Variants in APC2 observed in about 807,000 individuals in gnomAD.
APC2 encodes APC regulator of Wnt signaling pathway 2.
Under a neutral mutation model 72.5 loss-of-function variants are expected in APC2, and 41 were observed. The ratio of observed to expected loss-of-function variants is 0.57; its 90% CI spans 0.44 to 0.73. APC2 has a LOEUF of 0.73. Among genes scored for constraint, APC2 ranks in the 30% least tolerant of loss-of-function variants. APC2 has a pLI of 0.00. For missense variants in APC2, 3,729 were observed against 3,403.4 expected, an observed-to-expected ratio of 1.10 and a Z score of -2.38; for synonymous variants, 1,898 against 1,612.0, an observed-to-expected ratio of 1.18 and a Z score of -4.25.
At position 1,466,461 on chromosome 19, in the gene APC2, G is replaced by A. The variant is rs749298181; in HGVS notation, c.3160G>A (p.Ala1054Thr). 5 of 1,598,238 alleles carry A rather than the reference G, an allele frequency of 3.1e-6. No homozygotes were observed. In the East Asian group the frequency reaches 6.7e-5, roughly 21 times the overall value. ...TGCCCCGCTGTCTGTGGCCAGCAAGGCACTGCAGAAACTGGCGGCGCAAGA... is the reference window on the plus strand; with the variant it reads ...TGCCCCGCTGTCTGTGGCCAGCAAGACACTGCAGAAACTGGCGGCGCAAGA... Reference protein sequence around the residue: ...AAAPLSVASKALQKLAAQEGP... With the variant: ...AAAPLSVASKTLQKLAAQEGP... The change falls in exon 15 of 15, where the codon GCA becomes ACA. Residue 1054 changes from alanine (A) to threonine (T), a missense_variant. Coordinates refer to ENST00000590469, the MANE Select transcript of APC2 (RefSeq NM_005883.3).
chr19:1,457,218 G>T lies in APC2; in HGVS notation c.1182G>T (p.Gly394=). The T allele has an allele frequency of 6.5e-7, 1 of 1,542,474 alleles. No homozygotes were observed. Among genetic ancestry groups the T allele is most frequent in the South Asian group, 1.2e-5 (1 of 83,550 alleles). ...ACTGGCTGCAGGCCCGAGACGGCGG[G>T]CCCGAGGGAGGTGGCGCCGGCAGCG... The part of the protein sequence containing the change: ...CWDWLQARDG[G]PEGGGAGSAP... The change falls in exon 9 of 15, where the codon GGG becomes GGT. Residue 394 remains glycine (G), a synonymous_variant. Coordinates refer to ENST00000590469, the MANE Select transcript of APC2 (RefSeq NM_005883.3).
rs1263549480 is a variant in APC2, at chr19:1,470,012, G to A, written c.6711G>A (p.Lys2237=). The change falls in exon 15 of 15, where the codon AAG becomes AAA. Residue 2237 remains lysine, a synonymous_variant. Transcript: ENST00000590469. ...ACGTGGACGGTCCCAGCCTCGCCAAGGCTCCCATCTCCGCACCCTTCGTGC... is the reference window on the plus strand; with the variant it reads ...ACGTGGACGGTCCCAGCCTCGCCAAAGCTCCCATCTCCGCACCCTTCGTGC... ...GSDVDGPSLA[K]APISAPFVHE... 3 of 1,548,048 alleles carry A rather than the reference G, an allele frequency of 1.9e-6. No homozygotes were observed. Among genetic ancestry groups the A allele is most frequent in the African/African-American group, 1.4e-5 (1 of 72,938 alleles).
rs150131482 is a variant in APC2, at chr19:1,464,404, T to C, written c.1854-751T>C. On this transcript the variant is annotated intron_variant, in intron 14 of 14. Transcript: ENST00000590469. ...TTATTTATGAAAACACAAAATATTA[T>C]TTTTACCTGGTCATCGTGGCTCACG... is the stretch of plus-strand genomic sequence containing the variant. 1.4e-4 allele frequency among the ~76,000 whole-genome samples: 21 copies of C among 151,698 alleles called. No homozygotes were observed. The East Asian group carries it at 4.1e-3, about 30-fold the overall frequency.
At chr19:1,456,719 G>T in intron 8 of APC2, 134 bp from the exon 9 acceptor site, 1 of 1,174,344 alleles carries the variant, frequency 8.5e-7, no homozygotes, top group Non-Finnish European at 1.2e-6. Context: ...GCCTCCTAGC[G>T]TCCCCTCATC....
In APC2 at chr19:1,457,588, T is replaced by C. The variant is rs937673254; in HGVS notation, c.1207+345T>C. 108 of 504,866 alleles carry C rather than the reference T, an allele frequency of 2.1e-4. 1 individual carries two copies. In the South Asian group the frequency reaches 2.2e-3, roughly 10 times the overall value. The allele number at this position is 504,866 out of a possible 1,614,324, so 31.3% of individuals were successfully genotyped here. On this transcript the variant is annotated intron_variant, in intron 9 of 14. Transcript: ENST00000590469. ...TGACTCACACCTGTGATCCCAGCACTTTGGAAGGCAGAAGCAGGAGAATTG... is the reference window on the plus strand; with the variant it reads ...TGACTCACACCTGTGATCCCAGCACCTTGGAAGGCAGAAGCAGGAGAATTG...
chr19:1,466,670 C>G lies in APC2; in HGVS notation c.3369C>G (p.Pro1123=), dbSNP rs758399348. ...TWRAPGATSL[P]VAIPAPRRNR... ...GGGCGCCCGGGGCCACCTCGCTGCC[C>G]GTAGCCATTCCGGCTCCCCGGCGTA... The change falls in exon 15 of 15, where the codon CCC becomes CCG. Residue 1123 remains proline (P), a synonymous_variant. Transcript: ENST00000590469. The G allele has an allele frequency of 3.4e-5, 51 of 1,503,808 alleles. No homozygotes were observed. In the East Asian group the frequency reaches 4.4e-4, roughly 13 times the overall value. 93.2% of individuals were successfully genotyped at this position (1,503,808 alleles called of 1,614,324 possible).
chr19:1,457,301 C>T lies in APC2; in HGVS notation c.1207+58C>T. On this transcript the variant is annotated intron_variant, in intron 9 of 14. Coordinates refer to ENST00000590469, the MANE Select transcript of APC2 (RefSeq NM_005883.3). ...CAATTAACGTGCAGCTAGGGCTTCC[C>T]GGGGGATGGGCGACTAGGACCTCCA... 25 of 1,464,546 alleles carry T rather than the reference C, an allele frequency of 1.7e-5. No homozygotes were observed. In the South Asian group the frequency reaches 2.4e-4, roughly 14 times the overall value. The allele number at this position is 1,464,546 out of a possible 1,614,324, so 90.7% of individuals were successfully genotyped here. A position where few individuals can be genotyped will look rare whatever the true frequency, so the allele number is the denominator to read the frequency against.
chr19:1,457,210 G>C lies in APC2; in HGVS notation c.1174G>C (p.Asp392His). The change falls in exon 9 of 15, where the codon GAC becomes CAC. Residue 392 changes from aspartate (D) to histidine (H), a missense_variant. Asp to His is a moderately conservative substitution (Grantham distance 81, BLOSUM62 -1). Coordinates refer to ENST00000590469, the MANE Select transcript of APC2 (RefSeq NM_005883.3). ...ETCWDWLQARDGGPEGGGAGS... is the reference protein window; with the variant it reads ...ETCWDWLQARHGGPEGGGAGS... ...CTGCTGGGACTGGCTGCAGGCCCGA[G>C]ACGGCGGGCCCGAGGGAGGTGGCGC... 6.5e-7 allele frequency: 1 copy of C among 1,549,506 alleles called. No individual in the cohort carries two copies. The highest frequency in any genetic ancestry group is 8.7e-7 in the Non-Finnish European group (1 of 1,150,494).
At position 1,466,598 on chromosome 19, in the gene APC2, G is replaced by A. The variant is rs1442936645; in HGVS notation, c.3297G>A (p.Gly1099=). The change falls in exon 15 of 15, where the codon GGG becomes GGA. Residue 1099 remains glycine, a synonymous_variant. Coordinates refer to ENST00000590469, the MANE Select transcript of APC2 (RefSeq NM_005883.3). ...DLDDSDSSLE[G]LEEAGPSEAE... ...ATGACAGTGACTCCTCCCTGGAGGGGCTGGAGGAGGCCGGCCCCAGCGAGG... is the reference window on the plus strand; with the variant it reads ...ATGACAGTGACTCCTCCCTGGAGGGACTGGAGGAGGCCGGCCCCAGCGAGG... 1 of 1,553,412 alleles carries A rather than the reference G, an allele frequency of 6.4e-7. No homozygotes were observed. Among genetic ancestry groups the A allele is most frequent in the Non-Finnish European group, 8.7e-7 (1 of 1,155,560 alleles).
chr19:1,466,501 T>A lies in APC2; in HGVS notation c.3200T>A (p.Leu1067Gln), dbSNP rs916785215. The A allele has an allele frequency of 6.3e-7, 1 of 1,597,138 alleles. No homozygotes were observed. Among genetic ancestry groups the A allele is most frequent in the African/African-American group, 1.3e-5 (1 of 74,884 alleles). ...GCGGCGCAAGAGGGGCCACTCTCGC[T>A]GTCCCGATGCAGCTCCCTTTCCTCG... ...KLAAQEGPLS[L>Q]SRCSSLSSLS... The change falls in exon 15 of 15, where the codon CTG becomes CAG. Residue 1067 changes from leucine (L) to glutamine (Q), a missense_variant. Coordinates refer to ENST00000590469, the MANE Select transcript of APC2 (RefSeq NM_005883.3).
rs1055027269 is a variant in APC2, at chr19:1,453,542, C to T, written c.344C>T (p.Pro115Leu). 4 of 1,611,612 alleles carry T rather than the reference C, an allele frequency of 2.5e-6. No homozygotes were observed. The highest frequency in any genetic ancestry group is 1.3e-5 in the African/African-American group (1 of 74,928). The change falls in exon 4 of 15, where the codon CCC becomes CTC. Residue 115 changes from proline (P) to leucine (L), a missense_variant. Pro to Leu is a moderately conservative substitution (Grantham distance 98, BLOSUM62 -3). Coordinates refer to ENST00000590469, the MANE Select transcript of APC2 (RefSeq NM_005883.3). ...PEGSPVHGSG[P>L]SKDSFGELSR... ...GGCAGCCCAGTACACGGCTCCGGGC[C>T]CTCCAAGGACAGCTTTGGGGAGCTG...
Position 1,467,791 on chromosome 19 carries a change from GC to G in APC2, c.4492del (p.Leu1498SerfsTer82). The G allele has an allele frequency of 1.4e-6, 2 of 1,447,548 alleles. No individual in the cohort carries two copies. Among genetic ancestry groups the G allele is most frequent in the Non-Finnish European group, 1.8e-6 (2 of 1,104,770 alleles). The allele number at this position is 1,447,548 out of a possible 1,614,324, so 89.7% of individuals were successfully genotyped here. A position where few individuals can be genotyped will look rare whatever the true frequency, so the allele number is the denominator to read the frequency against. ...TRGDGALQSL[C>X]LTTPTEEAVY... ...GGGGACGGGGCGCTCCAGTCGCTGT[GC>G]CTCACGACGCCCACTGAGGAGGCCG... On this transcript the variant is annotated frameshift_variant, in exon 15 of 15. Coordinates refer to ENST00000590469, the MANE Select transcript of APC2 (RefSeq NM_005883.3). LOFTEE classifies it low-confidence loss of function (END_TRUNC).
chr19:1,449,254 C>T (rs1056627071), upstream of APC2, among the ~76,000 whole-genome samples: 2 of 152,130 alleles, frequency 1.3e-5, no homozygotes, highest in African/African-American at 4.8e-5. Context: ...GCCCCAGTCG[C>T]CTCCCTTTCT....
chr19:1,449,736 C>T (rs546540601), upstream of APC2, among the ~76,000 whole-genome samples: 21 of 152,244 alleles, frequency 1.4e-4, no homozygotes, highest in East Asian at 3.9e-3. Context: ...CCAGGCTGGA[C>T]CTGTGGGGTG....
rs2084141483 is a variant in APC2 at position 1,471,947 on chromosome 19, C to G, written c.*1734C>G. 1 of 152,406 alleles carries G rather than the reference C, an allele frequency of 6.6e-6. No individual in the cohort carries two copies. Among genetic ancestry groups the G allele is most frequent in the Non-Finnish European group, 1.5e-5 (1 of 68,148 alleles). 9.4% of individuals were successfully genotyped at this position (152,406 alleles called of 1,614,324 possible). A position where few individuals can be genotyped will look rare whatever the true frequency, so the allele number is the denominator to read the frequency against. ...CCCACACCCTGCAGGACAAGGAGCT[C>G]CAGACAGGACGTCCATAAGTCACCG... On this transcript the variant is annotated 3_prime_UTR_variant, in exon 15 of 15. Coordinates refer to ENST00000590469, the MANE Select transcript of APC2 (RefSeq NM_005883.3).
In APC2 at chr19:1,467,926, C is replaced by T. The variant is rs558378698; in HGVS notation, c.4625C>T (p.Pro1542Leu). The T allele has an allele frequency of 1.3e-6, 2 of 1,585,078 alleles. No individual in the cohort carries two copies. The highest frequency in any genetic ancestry group is 2.2e-5 in the South Asian group (2 of 89,476). The change falls in exon 15 of 15, where the codon CCG becomes CTG. Residue 1542 changes from proline (P) to leucine (L), a missense_variant. Pro to Leu is a moderately conservative substitution (Grantham distance 98, BLOSUM62 -3). Transcript: ENST00000590469. ...AIPRAFTRER[P>L]QGRKEAPAPS... ...CCTCGCGCTTTTACGCGGGAGCGTC[C>T]GCAGGGCCGGAAGGAGGCCCCTGCC...
chr19:1,457,415 C>G (rs778359610), intron 9 of APC2, 172 bp downstream of exon 9: 4 of 926,098 alleles, frequency 4.3e-6, no homozygotes, highest in Non-Finnish European at 6.1e-6. Flanking sequence ...GGAAAAGACC[C>G]GCCCATGATC....
At position 1,468,771 on chromosome 19, in the gene APC2, G is replaced by T; in HGVS notation, c.5470G>T (p.Ala1824Ser). 1 of 1,505,296 alleles carries T rather than the reference G, an allele frequency of 6.6e-7. No individual in the cohort carries two copies. 93.2% of individuals were successfully genotyped at this position (1,505,296 alleles called of 1,614,324 possible). Residue 1824 changes from alanine to serine, a missense_variant, in exon 15 of 15, where the codon GCA becomes TCA. Coordinates refer to ENST00000590469, the MANE Select transcript of APC2 (RefSeq NM_005883.3). ...GCGGAAGGTGGCGCCCCCTTGCCTG[G>T]CACAGCCCGCGGCTCCAGCCAAAGT... ...TPRKVAPPCL[A>S]QPAAPAKVPS...
At chr19:1,457,546 A>G in intron 9 of APC2, 1 of 520,636 alleles carries the variant, frequency 1.9e-6, no homozygotes, top group South Asian at 2.4e-5. Context: ...CAAAGTTAAT[A>G]TGGGGGCCGG....
Sources: allele counts gnomAD v4.1 joint callset (sites outside exome capture counted in the v4.1 genomes callset), GRCh38; gene constraint gnomAD v4.1.1; transcripts MANE v1.5; gene names NCBI Gene and HGNC (gene_info 2026-07-23, HGNC 2026-07-21).